TTC28: variants seen among roughly 807,000 people sequenced by gnomAD.
The protein encoded by TTC28 is tetratricopeptide repeat domain 28.
In TTC28, 61 loss-of-function variants were observed where a neutral mutation model predicts 198.0. The ratio of observed to expected loss-of-function variants is 0.31; its 90% confidence interval spans 0.25 to 0.38. TTC28 has a LOEUF of 0.38. Ranked by LOEUF, TTC28 falls within the 10% of genes least tolerant of loss-of-function variation. TTC28 has a pLI of 1.00. For synonymous variants in TTC28, 1,171 were observed against 1,297.8 expected (o/e 0.90, Z 2.10); for missense variants, 2,678 against 3,164.0 (o/e 0.85, Z 3.69).
chr22:28,460,605 TGGTAGATAGATA>T (rs1291553760), intron 2 of TTC28, among the ~76,000 whole-genome samples: 29 of 129,668 alleles, frequency 2.2e-4, no homozygotes, highest in Non-Finnish European at 3.4e-4. Context: ...AGATGATTAA[TGGTAGATAGATA>T]GATAGATAGA....
chr22:28,360,274 A>G (rs958601944), intron 2 of TTC28, among the ~76,000 whole-genome samples: 17 of 152,234 alleles, frequency 1.1e-4, no homozygotes, highest in African/African-American at 4.1e-4. Flanking sequence ...AGAGAGGCAG[A>G]GCACAGTGCT....
intron 12 of TTC28, among the ~76,000 whole-genome samples, chr22:28,058,792 G>C (rs1206449358): frequency 6.6e-6 from 1 of 151,714 alleles, no homozygotes; most frequent in Non-Finnish European, 1.5e-5. Flanking sequence ...TAGACATAGG[G>C]CTATTCATAT....
intron 6 of TTC28, among the ~76,000 whole-genome samples, chr22:28,157,338 C>A (rs1454532121): frequency 6.6e-6 from 1 of 152,142 alleles, no homozygotes; most frequent in Non-Finnish European, 1.5e-5. Flanking sequence ...AGTCCAGGAC[C>A]TGATGGCTTC....
chr22:28,028,912 G>C lies in TTC28; in HGVS notation c.4073+1314C>G, dbSNP rs1938956463. On this transcript the variant is annotated intron_variant, in intron 13 of 22. Transcript: ENST00000397906. ...AGATGACGAGACTGAGGCTGACAGA[G>C]GTGAAACTGCCTCCCTAGTGTCCTA... 37 of 450,734 alleles carry C rather than the reference G, an allele frequency of 8.2e-5. 1 individual carries two copies. Among genetic ancestry groups the C allele is most frequent in the South Asian group, 5.8e-4 (36 of 61,900 alleles). 27.9% of individuals were successfully genotyped at this position (450,734 alleles called of 1,614,324 possible).
intron 2 of TTC28, among the ~76,000 whole-genome samples, chr22:28,528,280 A>G (rs12169521): frequency 2.6e-5 from 4 of 152,236 alleles, no homozygotes; most frequent in Non-Finnish European, 4.4e-5. Context: ...AATATATATG[A>G]CAGTAATACC....
intron 2 of TTC28, among the ~76,000 whole-genome samples, chr22:28,596,859 T>C (rs1462087198): frequency 1.3e-5 from 2 of 152,160 alleles, no homozygotes; most frequent in Non-Finnish European, 2.9e-5. Flanking sequence ...TCATTAAATA[T>C]AATAAATCTC....
Position 28,021,656 on chromosome 22 carries a change from G to A in TTC28, c.4074-7264C>T, listed in dbSNP as rs931280217. On this transcript the variant is annotated intron_variant, in intron 13 of 22. Transcript: ENST00000397906. ...TGTACATGTGTGCTCACATGTGTGC[G>A]TCTGATCTTAACGCTTGAACACAGG... 3.9e-5 allele frequency among the ~76,000 whole-genome samples: 6 copies of A among 152,162 alleles called. No individual in the cohort carries two copies. The South Asian group carries it at 6.2e-4, about 16-fold the overall frequency.
At chr22:28,402,370 T>C (rs1051564746) in intron 2 of TTC28, among the ~76,000 whole-genome samples, 2 of 152,238 alleles carry the variant, frequency 1.3e-5, no homozygotes, top group African/African-American at 2.4e-5. Flanking sequence ...CTAAAAGTCC[T>C]GTGGTGGCAC....
intron 5 of TTC28, among the ~76,000 whole-genome samples, chr22:28,228,975 T>G (rs1928590362): frequency 6.6e-6 from 1 of 151,512 alleles, no homozygotes; most frequent in African/African-American, 2.4e-5. Context: ...GCCAACACAG[T>G]GAAACCCCAT....
At chr22:28,649,849 A>G (rs2051537814) in intron 1 of TTC28, among the ~76,000 whole-genome samples, 2 of 152,226 alleles carry the variant, frequency 1.3e-5, no homozygotes, top group Admixed American at 6.5e-5. Context: ...TGAATAATTT[A>G]TGTTATATGC....
intron 2 of TTC28, among the ~76,000 whole-genome samples, chr22:28,619,692 C>CTTGTCG (rs1224082932): frequency 6.6e-6 from 1 of 152,214 alleles, no homozygotes; most frequent in Admixed American, 6.5e-5. Context: ...CTCAAACTAA[C>CTTGTCG]TTGTTGTAAC....
intron 2 of TTC28, among the ~76,000 whole-genome samples, chr22:28,313,864 C>A (rs2045308854): frequency 6.6e-6 from 1 of 152,086 alleles, no homozygotes; most frequent in Admixed American, 6.6e-5. Flanking sequence ...CTCGCCAGGG[C>A]AATTAGGCAA....
intron 12 of TTC28, among the ~76,000 whole-genome samples, chr22:28,053,808 G>C (rs756265764): frequency 6.6e-6 from 1 of 151,882 alleles, no homozygotes; most frequent in Non-Finnish European, 1.5e-5. Context: ...AAAATCCCTA[G>C]GAAAGAAAGA....
intron 12 of TTC28, among the ~76,000 whole-genome samples, chr22:28,088,131 A>C (rs1470631788): frequency 6.6e-6 from 1 of 152,182 alleles, no homozygotes; most frequent in East Asian, 1.9e-4. Context: ...CAAGCTACCA[A>C]TGACTTTCTT....
intron 20 of TTC28, among the ~76,000 whole-genome samples, chr22:27,990,269 T>A (rs1937353951): frequency 6.6e-6 from 1 of 152,128 alleles, no homozygotes; most frequent in Non-Finnish European, 1.5e-5. Context: ...CCTTGTGTCT[T>A]CCCTCAGGCG....
intron 14 of TTC28, among the ~76,000 whole-genome samples, chr22:28,006,345 T>C (rs1232668594): frequency 6.6e-6 from 1 of 152,242 alleles, no homozygotes; most frequent in Non-Finnish European, 1.5e-5. Context: ...GCCCCATGCC[T>C]GGCACTGGTG....
At chr22:28,421,933 CAA>C (rs3884802) in intron 2 of TTC28, among the ~76,000 whole-genome samples, 15 of 75,356 alleles carry the variant, frequency 2.0e-4, no homozygotes, top group Non-Finnish European at 2.4e-4. Flanking sequence ...GACTCCGTCT[CAA>C]AAAAAAAAAA....
At chr22:28,445,459 T>C (rs1413862440) in intron 2 of TTC28, among the ~76,000 whole-genome samples, 1 of 152,168 alleles carries the variant, frequency 6.6e-6, no homozygotes, top group East Asian at 1.9e-4. Flanking sequence ...ACAAAGAAAC[T>C]TGAAGTAAAA....
At chr22:28,504,977 C>T (rs1016940276) in intron 2 of TTC28, among the ~76,000 whole-genome samples, 6 of 151,658 alleles carry the variant, frequency 4.0e-5, no homozygotes, top group Non-Finnish European at 8.8e-5. Context: ...AACTTTAGGC[C>T]GGGTGCCGTG....
Sources: allele counts gnomAD v4.1 joint callset (sites outside exome capture counted in the v4.1 genomes callset), GRCh38; gene constraint gnomAD v4.1.1; transcripts MANE v1.5; gene names NCBI Gene and HGNC (gene_info 2026-07-23, HGNC 2026-07-21).